The following API5 variants were observed in gnomAD, a reference collection of about 807,000 sequenced individuals.
API5 encodes the protein apoptosis inhibitor 5.
Under a neutral mutation model 71.9 loss-of-function variants are expected in API5, and 6 were observed. That is an observed-to-expected ratio of 0.08 (90% CI 0.05 to 0.16). API5 has a LOEUF of 0.16. Among genes scored for constraint, API5 ranks in the 10% least tolerant of loss-of-function variants. API5 has a pLI of 1.00. For missense variants in API5, 332 were observed against 612.8 expected, an observed-to-expected ratio of 0.54 and a Z score of 4.84; for synonymous variants, 189 against 221.3, an observed-to-expected ratio of 0.85 and a Z score of 1.30.
chr11:43,321,540 C>T (rs1417074929), intron 4 of API5, 64 bp downstream of exon 4: 3 of 1,301,366 alleles, frequency 2.3e-6, no homozygotes, highest in African/African-American at 3.0e-5. Context: ...TTAGGTGTTA[C>T]TCATTAAGAA....
chr11:43,320,082 A>G (rs1472018208), intron 2 of API5, among the ~76,000 whole-genome samples: 4 of 119,538 alleles, frequency 3.3e-5, no homozygotes, highest in East Asian at 4.8e-4. Flanking sequence ...GCCTTACTCT[A>G]TTGGCCAGGC....
chr11:43,336,024 A>G (rs1373378932), intron 13 of API5, 30 bp downstream of exon 13: 7 of 1,609,248 alleles, frequency 4.3e-6, no homozygotes, highest in Non-Finnish European at 5.9e-6. Context: ...TACAAGGAAT[A>G]TGAGAGATTA....
chr11:43,338,343 A>G (rs1855501393), intron 13 of API5, among the ~76,000 whole-genome samples: 1 of 152,074 alleles, frequency 6.6e-6, no homozygotes, highest in African/African-American at 2.4e-5. Flanking sequence ...AATTAGTTCA[A>G]CTTCCCGGTG....
chr11:43,327,620 C>T (rs1346610520), intron 7 of API5, among the ~76,000 whole-genome samples, 169 bp from the exon 8 acceptor site: 1 of 152,172 alleles, frequency 6.6e-6, no homozygotes, highest in Non-Finnish European at 1.5e-5. Flanking sequence ...CTTTCCTTCA[C>T]AGTAAAATGT....
In API5 at chr11:43,343,510, A is replaced by G. The variant is rs1565117221; in HGVS notation, c.*1000A>G. On this transcript the variant is annotated 3_prime_UTR_variant, in exon 14 of 14. Coordinates refer to ENST00000531273, the MANE Select transcript of API5 (RefSeq NM_001142930.2). ...TACATACAGGTTTCTACAGGAAGAG[A>G]TGGTATAATTTACAATTTGGAGATT... 6.6e-6 allele frequency: 1 copy of G among 152,640 alleles called. No individual in the cohort carries two copies. The highest frequency in any genetic ancestry group is 1.5e-5 in the Non-Finnish European group (1 of 68,040). 9.5% of individuals were successfully genotyped at this position (152,640 alleles called of 1,614,324 possible).
chr11:43,317,304 T>A (rs1854705931), intron 1 of API5, among the ~76,000 whole-genome samples: 1 of 152,190 alleles, frequency 6.6e-6, no homozygotes, highest in South Asian at 2.1e-4. Context: ...AAGGACTGGT[T>A]TGGAGGCAAG....
Position 43,342,514 on chromosome 11 carries a change from A to G in API5, c.*4A>G, listed in dbSNP as rs761808147. On this transcript the variant is annotated 3_prime_UTR_variant, in exon 14 of 14. Transcript: ENST00000531273. ...TAGTCGGGGAAGACTCTACTGAATA[A>G]GACATCAGCATTCTTCAGCATTGTC... is the stretch of plus-strand genomic sequence containing the variant. 1 of 1,613,684 alleles carries G rather than the reference A, an allele frequency of 6.2e-7. No homozygotes were observed. The highest frequency in any genetic ancestry group is 1.1e-5 in the South Asian group (1 of 91,032).
At chr11:43,313,596 AT>A (rs990040465) in intron 1 of API5, among the ~76,000 whole-genome samples, 1 of 152,144 alleles carries the variant, frequency 6.6e-6, no homozygotes, top group Non-Finnish European at 1.5e-5. Context: ...AAAAAAAAAA[AT>A]TTCATGTTGG....
Position 43,330,500 on chromosome 11 carries a change from CT to C in API5, c.1222-5del, listed in dbSNP as rs751755610. 4 of 1,584,188 alleles carry C rather than the reference CT, an allele frequency of 2.5e-6. No homozygotes were observed. Among genetic ancestry groups the C allele is most frequent in the Admixed American group, 3.3e-5 (2 of 59,710 alleles). The stretch of plus-strand genomic sequence containing the variant: ...GCAATTTGTCTTAATTTTCCTTTCC[CT>C]TTGTAGAACAAGATTAAAGTCGTTG... On this transcript the variant is annotated splice_region_variant and splice_polypyrimidine_tract_variant and intron_variant, in intron 10 of 13. Coordinates refer to ENST00000531273, the MANE Select transcript of API5 (RefSeq NM_001142930.2).
At chr11:43,321,625 G>A (rs1390034223) in intron 4 of API5, 149 bp downstream of exon 4, 3 of 631,608 alleles carry the variant, frequency 4.7e-6, no homozygotes, top group Non-Finnish European at 7.7e-6. Context: ...CTTAGGTCAA[G>A]ATGTTTATGA....
chr11:43,326,690 G>T, intron 7 of API5, 79 bp downstream of exon 7: 1 of 796,338 alleles, frequency 1.3e-6, no homozygotes, highest in Non-Finnish European at 2.1e-6. Flanking sequence ...ACTTAGATCC[G>T]ATTTCTAAGG....
At chr11:43,312,645 G>A (rs1400130918) in intron 1 of API5, among the ~76,000 whole-genome samples, 4 of 152,116 alleles carry the variant, frequency 2.6e-5, no homozygotes, top group Non-Finnish European at 5.9e-5. Flanking sequence ...GTGTTTAGGA[G>A]ACAGAAGTTT....
chr11:43,336,601 C>T (rs1477405441), intron 13 of API5, among the ~76,000 whole-genome samples: 2 of 152,198 alleles, frequency 1.3e-5, no homozygotes, highest in Non-Finnish European at 2.9e-5. Flanking sequence ...CATCCTCTCC[C>T]ACGGCTGTCG....
At chr11:43,315,619 C>T (rs1160628560) in intron 1 of API5, among the ~76,000 whole-genome samples, 1 of 152,148 alleles carries the variant, frequency 6.6e-6, no homozygotes, top group Non-Finnish European at 1.5e-5. Flanking sequence ...AAGCAAACTG[C>T]AGATGACAAA....
chr11:43,312,239 C>T, intron 1 of API5, 43 bp downstream of exon 1: 1 of 1,594,902 alleles, frequency 6.3e-7, no homozygotes, highest in Non-Finnish European at 8.6e-7. Flanking sequence ...TGGCGCTCCG[C>T]GGCCTTTCGA....
chr11:43,332,945 G>A (rs911598642), intron 11 of API5, among the ~76,000 whole-genome samples: 2 of 152,130 alleles, frequency 1.3e-5, no homozygotes, highest in African/African-American at 4.8e-5. Context: ...ATAAACTCAG[G>A]TGTGGTTGAA....
chr11:43,322,932 T>C (rs1271413821), intron 5 of API5, among the ~76,000 whole-genome samples: 1 of 152,210 alleles, frequency 6.6e-6, no homozygotes, highest in Admixed American at 6.5e-5. Flanking sequence ...CCCACTGATA[T>C]GGAAGATTTA....
In API5 at chr11:43,330,423, G is replaced by T. The variant is rs557994428; in HGVS notation, c.1222-85G>T. Reference sequence around the variant, plus strand: ...CTGTAGAGGTGATTCTGATAGAAGTGTAATTACTCTAGTTCTATGACAGAA... The same window carrying T: ...CTGTAGAGGTGATTCTGATAGAAGTTTAATTACTCTAGTTCTATGACAGAA... On this transcript the variant is annotated intron_variant, in intron 10 of 13. Transcript: ENST00000531273. 27 of 975,288 alleles carry T rather than the reference G, an allele frequency of 2.8e-5. No individual in the cohort carries two copies. The East Asian group carries it at 6.5e-4, about 23-fold the overall frequency. The allele number at this position is 975,288 out of a possible 1,614,324, so 60.4% of individuals were successfully genotyped here.
At chr11:43,320,002 A>ATTCTGTG (rs1854813054) in intron 2 of API5, among the ~76,000 whole-genome samples, 1 of 140,888 alleles carries the variant, frequency 7.1e-6, no homozygotes, top group Admixed American at 7.0e-5. Flanking sequence ...TTTATATTTT[A>ATTCTGTG]TTCTGTGTAA....
Sources: gnomAD v4.1 joint callset for allele counts (sites outside exome capture counted in the v4.1 genomes callset) on GRCh38, gnomAD v4.1.1 for gene constraint, MANE v1.5 for transcripts, NCBI Gene and HGNC (gene_info 2026-07-23, HGNC 2026-07-21) for gene names.